The following TEX36 variants were observed in gnomAD, a reference collection of about 807,000 sequenced individuals.
TEX36 encodes testis-expressed protein 36.
TEX36 carries 12 observed loss-of-function variants against 13.6 expected under a neutral mutation model. The observed-to-expected ratio is 0.88, with a 90% CI of 0.56 to 1.43. The LOEUF (loss-of-function observed/expected upper bound fraction) is 1.43, where lower values mean the gene tolerates loss of function less well. TEX36 is among the 40% of genes most tolerant of loss of function. TEX36 has a pLI of 0.00. For missense variants in TEX36, 224 were observed against 228.3 expected, an observed-to-expected ratio of 0.98 and a Z score of 0.12; for synonymous variants, 93 against 83.0, an observed-to-expected ratio of 1.12 and a Z score of -0.65.
At chr10:125,577,059 G>A (rs1448125382) in intron 3 of TEX36, among the ~76,000 whole-genome samples, 1 of 152,226 alleles carries the variant, frequency 6.6e-6, no homozygotes, top group Non-Finnish European at 1.5e-5. Context: ...AAGGGAATGG[G>A]ATATCATTAC....
chr10:125,612,921 G>A lies in TEX36; in HGVS notation c.265-36047C>T, dbSNP rs529182014. On this transcript the variant is annotated intron_variant, in intron 3 of 3. Transcript: ENST00000532135. ...AAAGATATCTGGATGGTCTCCTGAT[G>A]TGCACACAAAGATAATTTCCATCAT... Among the ~76,000 whole-genome samples the A allele has an allele frequency of 5.3e-5, 8 of 151,684 alleles. No homozygotes were observed. The South Asian group carries it at 1.7e-3, about 32-fold the overall frequency.
At chr10:125,618,942 T>TAAAAAAAAAAAAAAAAAAAAAA (rs11452140), downstream of TEX36, among the ~76,000 whole-genome samples, 3 of 43,586 alleles carry the variant, frequency 6.9e-5, no homozygotes, top group African/African-American at 3.0e-4. Context: ...CCGTCTCTAC[T>TAAAAAAAAAAAAAAAAAAAAAA]AAAAAAAAAA....
At chr10:125,598,237 A>G (rs754966571) in intron 3 of TEX36, among the ~76,000 whole-genome samples, 1 of 152,184 alleles carries the variant, frequency 6.6e-6, no homozygotes, top group Non-Finnish European at 1.5e-5. Context: ...TATAATGCAC[A>G]TTTGTTGAGG....
At chr10:125,608,832 A>C (rs1362762706) in intron 3 of TEX36, among the ~76,000 whole-genome samples, 1 of 151,968 alleles carries the variant, frequency 6.6e-6, no homozygotes. Context: ...ACATGCATGG[A>C]ATAAAAATTT....
intron 1 of TEX36, among the ~76,000 whole-genome samples, chr10:125,668,300 T>C (rs1847160829): frequency 6.6e-6 from 1 of 150,524 alleles, no homozygotes; most frequent in African/African-American, 2.5e-5. Context: ...GGACTTTTCT[T>C]TGTTGGGAGA....
At chr10:125,660,706 T>C (rs992498615) in intron 3 of TEX36, among the ~76,000 whole-genome samples, 1 of 152,200 alleles carries the variant, frequency 6.6e-6, no homozygotes, top group Non-Finnish European at 1.5e-5. Context: ...GAGATACGCA[T>C]AGCAGTCCCT....
intron 1 of TEX36, among the ~76,000 whole-genome samples, chr10:125,664,673 C>A (rs1183546439): frequency 6.6e-6 from 1 of 152,138 alleles, no homozygotes; most frequent in African/African-American, 2.4e-5. Context: ...TTCCCTGTCA[C>A]CTTCTGCCAT....
intron 3 of TEX36, among the ~76,000 whole-genome samples, chr10:125,594,410 C>G (rs1378174263): frequency 6.6e-6 from 1 of 152,138 alleles, no homozygotes. Flanking sequence ...ATCTTTCATA[C>G]TGATGAAAAG....
At chr10:125,624,738 G>T (rs1042581414) in intron 3 of TEX36, among the ~76,000 whole-genome samples, 1 of 151,958 alleles carries the variant, frequency 6.6e-6, no homozygotes, top group Admixed American at 6.6e-5. Context: ...AATTTTAAAG[G>T]AGTGTTGTCC....
chr10:125,668,237 A>C (rs898237831), intron 1 of TEX36, among the ~76,000 whole-genome samples: 2 of 152,068 alleles, frequency 1.3e-5, no homozygotes, highest in Admixed American at 6.5e-5. Context: ...TTTCAAGACA[A>C]TTGGTATTTG....
chr10:125,632,453 G>A (rs754693385), intron 3 of TEX36, among the ~76,000 whole-genome samples: 4 of 152,180 alleles, frequency 2.6e-5, no homozygotes, highest in Non-Finnish European at 5.9e-5. Flanking sequence ...CACCTTGGAA[G>A]GTTCAGTAGA....
chr10:125,621,730 G>A, intron 3 of TEX36: 1 of 449,140 alleles, frequency 2.2e-6, no homozygotes, highest in East Asian at 7.0e-5. Context: ...CCTTCCATCT[G>A]TGGCCAAAGG....
At chr10:125,647,575 A>G (rs558793849) in intron 3 of TEX36, among the ~76,000 whole-genome samples, 9 of 152,372 alleles carry the variant, frequency 5.9e-5, no homozygotes, top group Admixed American at 3.3e-4. Context: ...GAATAGGAAC[A>G]GCTCCAGTCT....
downstream of TEX36, among the ~76,000 whole-genome samples, chr10:125,652,285 A>G (rs994643736): frequency 3.9e-5 from 6 of 152,232 alleles, no homozygotes; most frequent in Non-Finnish European, 8.8e-5. Context: ...GTACCAAAAC[A>G]GAGATATAGA....
intron 3 of TEX36, among the ~76,000 whole-genome samples, chr10:125,616,300 T>G (rs1171202180): frequency 2.0e-5 from 3 of 151,524 alleles, no homozygotes; most frequent in Non-Finnish European, 4.4e-5. Context: ...TCTGCTCTGA[T>G]TTTAGTTATT....
chr10:125,655,792 A>G lies in TEX36; in HGVS notation c.*108T>C. On this transcript the variant is annotated 3_prime_UTR_variant, in exon 4 of 4. Coordinates refer to ENST00000368821, the MANE Select transcript of TEX36 (RefSeq NM_001128202.3). ...GTTTTTTGACCTTATAAAAATCATA[A>G]AAGTACTTTAAAAATTAAATAGTGG... The G allele has an allele frequency of 7.4e-7, 1 of 1,354,024 alleles. No homozygotes were observed. Among genetic ancestry groups the G allele is most frequent in the Non-Finnish European group, 9.5e-7 (1 of 1,050,986 alleles). The allele number at this position is 1,354,024 out of a possible 1,614,324, so 83.9% of individuals were successfully genotyped here.
intron 3 of TEX36, among the ~76,000 whole-genome samples, chr10:125,602,623 A>G (rs1174475752): frequency 2.0e-5 from 3 of 152,126 alleles, no homozygotes; most frequent in Non-Finnish European, 4.4e-5. Context: ...CATTCAACAA[A>G]CACACTGTGA....
intron 3 of TEX36, among the ~76,000 whole-genome samples, chr10:125,635,860 G>A (rs1846617689): frequency 1.3e-5 from 2 of 151,798 alleles, no homozygotes; most frequent in African/African-American, 2.4e-5. Context: ...TGGGCAGCCT[G>A]AATTTCTAGG....
At chr10:125,642,652 G>T (rs1846708097) in intron 3 of TEX36, among the ~76,000 whole-genome samples, 1 of 152,146 alleles carries the variant, frequency 6.6e-6, no homozygotes. Context: ...TACATCTTAA[G>T]AAAGGTTTTT....
Sources: allele counts gnomAD v4.1 joint callset (sites outside exome capture counted in the v4.1 genomes callset), GRCh38; gene constraint gnomAD v4.1.1; transcripts MANE v1.5; gene names NCBI Gene and HGNC (gene_info 2026-07-23, HGNC 2026-07-21).